Variants in FREM1 observed in about 807,000 individuals in gnomAD.
FREM1 encodes the protein FRAS1-related extracellular matrix protein 1.
A neutral mutation model predicts 210.1 loss-of-function variants in FREM1; 220 were observed. The observed-to-expected ratio is 1.05, with a 90% CI of 0.94 to 1.17. The LOEUF (loss-of-function observed/expected upper bound fraction) is 1.17. FREM1 is among the 50% of genes most tolerant of loss of function. The pLI is 0.00. For synonymous variants in FREM1, 1,189 were observed against 980.2 expected (o/e 1.21, Z -3.98); for missense variants, 3,454 against 2,675.5 (o/e 1.29, Z -6.42).
At position 14,748,546 on chromosome 9, in the gene FREM1, G is replaced by A. The variant is rs779061511; in HGVS notation, c.5651C>T (p.Ser1884Phe). 1.2e-6 allele frequency: 2 copies of A among 1,613,892 alleles called. No homozygotes were observed. The highest frequency in any genetic ancestry group is 1.7e-6 in the Non-Finnish European group (2 of 1,179,792). Residue 1884 changes from serine (S) to phenylalanine (F), a missense_variant, in exon 31 of 37, where the codon TCC (serine) becomes TTC (phenylalanine). Ser to Phe is a radical substitution (Grantham distance 155). Coordinates refer to ENST00000380880, the MANE Select transcript of FREM1 (RefSeq NM_001379081.2). ...CAGATGAAAGGAACCAGAAGTGGTG[G>A]ATGAGGAAGACCCTGGGGGCAGCAG... is the stretch of plus-strand genomic sequence containing the variant. Reference protein sequence around the residue: ...WHLLPPGSSSSTTSGSFHLER... With the variant: ...WHLLPPGSSSFTTSGSFHLER...
chr9:14,879,399 C>A (rs1381154021), intron 1 of FREM1, among the ~76,000 whole-genome samples: 1 of 152,032 alleles, frequency 6.6e-6, no homozygotes, highest in African/African-American at 2.4e-5. Flanking sequence ...CCAGGCAGCA[C>A]CTCCAGTCAA....
chr9:14,777,719 C>G (rs568915009), intron 24 of FREM1, among the ~76,000 whole-genome samples: 6 of 152,058 alleles, frequency 3.9e-5, no homozygotes, highest in Admixed American at 6.6e-5. Context: ...GACTAACAAT[C>G]CCTTTATTCT....
intron 5 of FREM1, among the ~76,000 whole-genome samples, chr9:14,852,731 C>T (rs1312216856): frequency 2.0e-5 from 3 of 152,178 alleles, no homozygotes; most frequent in Non-Finnish European, 4.4e-5. Flanking sequence ...GATGCTAGTT[C>T]TCACAGGATT....
intron 1 of FREM1, among the ~76,000 whole-genome samples, chr9:14,880,986 C>T (rs961874304): frequency 6.6e-6 from 1 of 152,288 alleles, no homozygotes; most frequent in East Asian, 1.9e-4. Flanking sequence ...CCTATTAATT[C>T]CAAATGAAAC....
intron 1 of FREM1, among the ~76,000 whole-genome samples, chr9:14,909,131 C>T (rs1220406754): frequency 6.6e-6 from 1 of 152,060 alleles, no homozygotes; most frequent in African/African-American, 2.4e-5. Flanking sequence ...AATTGGCTCC[C>T]AGAAATGCTC....
chr9:14,896,296 A>C (rs1439918410), intron 1 of FREM1, among the ~76,000 whole-genome samples: 1 of 152,150 alleles, frequency 6.6e-6, no homozygotes, highest in Non-Finnish European at 1.5e-5. Flanking sequence ...CTGTAATCCC[A>C]ACACTTTGGG....
chr9:14,859,165 C>T lies in FREM1; in HGVS notation c.631+18G>A. 6.5e-7 allele frequency: 1 copy of T among 1,536,306 alleles called. No homozygotes were observed. ...TCAGTTTTGGTAATACCCAGAAAGG[C>T]ATTAAAAGACATCATACGGGACTCT... On this transcript the variant is annotated intron_variant, in intron 4 of 36. Coordinates refer to ENST00000380880, the MANE Select transcript of FREM1 (RefSeq NM_001379081.2).
At chr9:14,805,726 A>G (rs1563971363) in intron 18 of FREM1, among the ~76,000 whole-genome samples, 1 of 152,244 alleles carries the variant, frequency 6.6e-6, no homozygotes, top group Non-Finnish European at 1.5e-5. Flanking sequence ...AATTAATCTT[A>G]TATTCAGTCT....
intron 1 of FREM1, among the ~76,000 whole-genome samples, chr9:14,881,592 A>G (rs1177621888): frequency 3.5e-5 from 5 of 142,184 alleles, no homozygotes; most frequent in Admixed American, 6.7e-5. Context: ...GATTGTTAAA[A>G]TAATATAGCA....
intron 1 of FREM1, among the ~76,000 whole-genome samples, chr9:14,895,683 G>C (rs923059278): frequency 3.3e-5 from 5 of 151,904 alleles, no homozygotes; most frequent in Admixed American, 3.3e-4. Flanking sequence ...AAGCCTACTA[G>C]ATGTTTTCTT....
chr9:14,875,132 G>C (rs1164553957), intron 1 of FREM1, among the ~76,000 whole-genome samples: 1 of 152,132 alleles, frequency 6.6e-6, no homozygotes, highest in African/African-American at 2.4e-5. Context: ...TGGTGAATCT[G>C]ACAATTACGT....
At chr9:14,897,483 G>A (rs1312088672) in intron 1 of FREM1, among the ~76,000 whole-genome samples, 10 of 151,726 alleles carry the variant, frequency 6.6e-5, no homozygotes, top group Non-Finnish European at 1.3e-4. Flanking sequence ...ACTGATGCAA[G>A]CAAAGTGGGG....
intron 24 of FREM1, among the ~76,000 whole-genome samples, chr9:14,780,896 GC>G (rs1446823570): frequency 6.6e-6 from 1 of 152,184 alleles, no homozygotes; most frequent in African/African-American, 2.4e-5. Context: ...AAACAACATA[GC>G]AGTCCGTGAT....
chr9:14,798,445 T>C (rs1852859147), intron 20 of FREM1, among the ~76,000 whole-genome samples: 1 of 151,966 alleles, frequency 6.6e-6, no homozygotes, highest in East Asian at 1.9e-4. Context: ...ACCTTGTCTT[T>C]AAAAGAATTT....
chr9:14,905,955 C>T (rs1385142512), intron 1 of FREM1, among the ~76,000 whole-genome samples: 1 of 152,036 alleles, frequency 6.6e-6, no homozygotes, highest in African/African-American at 2.4e-5. Context: ...GAGTTAAAGG[C>T]CACGGGAGTG....
chr9:14,757,948 G>C (rs1483773014), intron 28 of FREM1, among the ~76,000 whole-genome samples: 1 of 152,158 alleles, frequency 6.6e-6, no homozygotes, highest in Non-Finnish European at 1.5e-5. Flanking sequence ...CCATATGCTG[G>C]AAGTTGCATT....
intron 2 of FREM1, among the ~76,000 whole-genome samples, chr9:14,864,663 C>T (rs575207684): frequency 6.0e-4 from 92 of 152,294 alleles, no homozygotes; most frequent in African/African-American, 2.1e-3. Flanking sequence ...TCATCTCTCC[C>T]ACCCATATCA....
intron 23 of FREM1, among the ~76,000 whole-genome samples, chr9:14,786,868 G>C (rs1315659031): frequency 6.6e-6 from 1 of 152,162 alleles, no homozygotes; most frequent in Non-Finnish European, 1.5e-5. Context: ...GAAGTAAGAA[G>C]AATGAATTAG....
chr9:14,904,607 C>G (rs1353366734), intron 1 of FREM1, among the ~76,000 whole-genome samples: 1 of 152,116 alleles, frequency 6.6e-6, no homozygotes, highest in Non-Finnish European at 1.5e-5. Flanking sequence ...GGTGCAGAAC[C>G]AGGGAGAATG....
Sources: gnomAD v4.1 joint callset for allele counts (sites outside exome capture counted in the v4.1 genomes callset) on GRCh38, gnomAD v4.1.1 for gene constraint, MANE v1.5 for transcripts, NCBI Gene and HGNC (gene_info 2026-07-23, HGNC 2026-07-21) for gene names.